The following ERP44 variants were observed in gnomAD, a reference collection of about 807,000 sequenced individuals.
ERP44 encodes the protein endoplasmic reticulum resident protein 44.
ERP44 carries 25 observed loss-of-function variants against 53.4 expected under a neutral mutation model. The ratio of observed to expected loss-of-function variants is 0.47; its 90% CI spans 0.34 to 0.65. ERP44 has a LOEUF of 0.65. Ranked by LOEUF, ERP44 falls within the 30% of genes least tolerant of loss-of-function variation. ERP44 has a pLI of 0.01. For synonymous variants in ERP44, 145 were observed against 161.2 expected, an observed-to-expected ratio of 0.90 and a Z score of 0.76; for missense variants, 338 against 493.2, an observed-to-expected ratio of 0.69 and a Z score of 2.98.
chr9:100,067,531 C>T (rs1474992827), intron 1 of ERP44, among the ~76,000 whole-genome samples: 2 of 152,212 alleles, frequency 1.3e-5, no homozygotes, highest in East Asian at 1.9e-4. Context: ...GGCGTGATCT[C>T]GGCTCGCCAC....
intron 2 of ERP44, among the ~76,000 whole-genome samples, 197 bp from the exon 3 acceptor site, chr9:100,058,056 C>T (rs1826103935): frequency 6.6e-6 from 1 of 152,022 alleles, no homozygotes; most frequent in South Asian, 2.1e-4. Context: ...TCTCTGTATG[C>T]TTTATCTTTA....
At chr9:99,991,624 C>G (rs1279127198) in intron 10 of ERP44, among the ~76,000 whole-genome samples, 1 of 152,052 alleles carries the variant, frequency 6.6e-6, no homozygotes, top group Non-Finnish European at 1.5e-5. Context: ...CAAGAGCAAA[C>G]TAATTCAAAA....
At chr9:99,999,210 C>T (rs1202377974) in intron 10 of ERP44, 6 of 438,748 alleles carry the variant, frequency 1.4e-5, no homozygotes, top group South Asian at 2.9e-5. Context: ...GCCGTCCTCT[C>T]GATGTTGATC....
At chr9:100,097,712 A>G (rs1305081724) in intron 1 of ERP44, among the ~76,000 whole-genome samples, 1 of 152,252 alleles carries the variant, frequency 6.6e-6, no homozygotes, top group Non-Finnish European at 1.5e-5. Flanking sequence ...TGACAAAAGA[A>G]AAGAAAGAAC....
At chr9:100,088,725 T>C (rs1215933149) in intron 1 of ERP44, among the ~76,000 whole-genome samples, 6 of 152,146 alleles carry the variant, frequency 3.9e-5, no homozygotes, top group Non-Finnish European at 8.8e-5. Flanking sequence ...CAGAAGTTAA[T>C]AGGAAAATAG....
chr9:99,984,357 A>T (rs1057180729), intron 11 of ERP44, among the ~76,000 whole-genome samples: 1 of 152,132 alleles, frequency 6.6e-6, no homozygotes, highest in Non-Finnish European at 1.5e-5. Flanking sequence ...GTACAGTAGG[A>T]ACATAGAAAT....
At chr9:100,043,821 T>A (rs769681393) in intron 4 of ERP44, among the ~76,000 whole-genome samples, 3 of 152,148 alleles carry the variant, frequency 2.0e-5, no homozygotes, top group Non-Finnish European at 2.9e-5. Flanking sequence ...CTACAAAAGT[T>A]AGATAAAAAT....
At chr9:100,000,629 T>G (rs1830366447) in intron 10 of ERP44, among the ~76,000 whole-genome samples, 1 of 152,100 alleles carries the variant, frequency 6.6e-6, no homozygotes, top group Non-Finnish European at 1.5e-5. Context: ...TGTATGTGCC[T>G]AGTATTTTCT....
chr9:100,036,194 C>A lies in ERP44; in HGVS notation c.287-13968G>T, dbSNP rs183454109. On this transcript the variant is annotated intron_variant, in intron 4 of 11. Transcript: ENST00000262455. Reference sequence around the variant, plus strand: ...ATAAAGAAAATGTGGTACATATACACAACTGATTACTATGCAGCCATAAAA... The same window carrying A: ...ATAAAGAAAATGTGGTACATATACAAAACTGATTACTATGCAGCCATAAAA... 1.6e-4 allele frequency among the ~76,000 whole-genome samples: 25 copies of A among 152,320 alleles called. 1 individual carries two copies. In the East Asian group the frequency reaches 3.9e-3, roughly 23 times the overall value.
At position 100,040,272 on chromosome 9, in the gene ERP44, C is replaced by T. The variant is rs1238209558; in HGVS notation, c.286+12145G>A. Reference sequence around the variant, plus strand: ...TGATGCAAAAATCCTCCACAAAATACCAGCAAACCAAATTCAACAGTACAT... The same window carrying T: ...TGATGCAAAAATCCTCCACAAAATATCAGCAAACCAAATTCAACAGTACAT... On this transcript the variant is annotated intron_variant, in intron 4 of 11. Coordinates refer to ENST00000262455, the MANE Select transcript of ERP44 (RefSeq NM_015051.3). Among the ~76,000 whole-genome samples, 3 of 152,190 alleles carry T rather than the reference C, an allele frequency of 2.0e-5. 1 individual carries two copies. Among genetic ancestry groups the T allele is most frequent in the African/African-American group, 7.2e-5 (3 of 41,536 alleles).
intron 10 of ERP44, among the ~76,000 whole-genome samples, chr9:99,996,660 A>C (rs1564085668): frequency 6.6e-6 from 1 of 152,038 alleles, no homozygotes. Flanking sequence ...CCCTATTTGT[A>C]GTCTTTTATC....
chr9:100,067,290 G>GC (rs1826223252), intron 1 of ERP44, among the ~76,000 whole-genome samples: 1 of 152,168 alleles, frequency 6.6e-6, no homozygotes, highest in Non-Finnish European at 1.5e-5. Flanking sequence ...CAACCTCCCT[G>GC]CCTGATTCTC....
At chr9:100,054,163 G>T (rs1826065916) in intron 3 of ERP44, among the ~76,000 whole-genome samples, 1 of 152,162 alleles carries the variant, frequency 6.6e-6, no homozygotes, top group South Asian at 2.1e-4. Context: ...ATAAGAGGAT[G>T]GGGTCTGTGG....
At chr9:100,046,266 C>G (rs1410643238) in intron 4 of ERP44, among the ~76,000 whole-genome samples, 1 of 151,806 alleles carries the variant, frequency 6.6e-6, no homozygotes, top group African/African-American at 2.4e-5. Context: ...GACTGAGAAA[C>G]AAATAGATCA....
rs181116452 is a variant in ERP44, at chr9:100,074,372, T to C, written c.58-14200A>G. Among the ~76,000 whole-genome samples the C allele has an allele frequency of 9.2e-5, 14 of 152,304 alleles. No individual in the cohort carries two copies. The East Asian group carries it at 1.2e-3, about 13-fold the overall frequency. On this transcript the variant is annotated intron_variant, in intron 1 of 11. Coordinates refer to ENST00000262455, the MANE Select transcript of ERP44 (RefSeq NM_015051.3). ...ACACTATTCAGAATATTCTGACTCA[T>C]GTAGAGCTCTAGCATTGGCTAATTA...
chr9:100,063,177 G>A (rs1038111689), intron 1 of ERP44, among the ~76,000 whole-genome samples: 5 of 150,918 alleles, frequency 3.3e-5, no homozygotes, highest in Non-Finnish European at 7.4e-5. Flanking sequence ...CAAAAATGAG[G>A]CAATGATCAA....
chr9:100,052,336 G>A (rs1826047943), intron 4 of ERP44, 81 bp downstream of exon 4: 13 of 631,650 alleles, frequency 2.1e-5, no homozygotes, highest in South Asian at 7.5e-5. Flanking sequence ...AAAAAGAAAA[G>A]AAAAGAAAAG....
chr9:100,043,031 G>A lies in ERP44; in HGVS notation c.286+9386C>T, dbSNP rs564284794. On this transcript the variant is annotated intron_variant, in intron 4 of 11. Transcript: ENST00000262455. Reference sequence around the variant, plus strand: ...TCCCAGCACTTTGGGAGGCCGAAGCGGGCGAATCATGAGGTCAGGAAATCG... The same window carrying A: ...TCCCAGCACTTTGGGAGGCCGAAGCAGGCGAATCATGAGGTCAGGAAATCG... Among the ~76,000 whole-genome samples, 7 of 151,758 alleles carry A rather than the reference G, an allele frequency of 4.6e-5. No individual in the cohort carries two copies. In the South Asian group the frequency reaches 8.4e-4, roughly 18 times the overall value.
chr9:100,039,127 T>A (rs1365885084), intron 4 of ERP44, among the ~76,000 whole-genome samples: 1 of 152,182 alleles, frequency 6.6e-6, no homozygotes, highest in Non-Finnish European at 1.5e-5. Context: ...TGGACAGATC[T>A]TCCAGACAGA....
Sources: gnomAD v4.1 joint callset for allele counts (sites outside exome capture counted in the v4.1 genomes callset) on GRCh38, gnomAD v4.1.1 for gene constraint, MANE v1.5 for transcripts, NCBI Gene and HGNC (gene_info 2026-07-23, HGNC 2026-07-21) for gene names.